The following MAF variants were observed in gnomAD, a reference collection of about 807,000 sequenced individuals.
MAF encodes MAF bZIP transcription factor, also known as transcription factor Maf.
Under a neutral mutation model 22.0 loss-of-function variants are expected in MAF, and 10 were observed. That is an observed-to-expected ratio of 0.45 (90% CI 0.28 to 0.77). The LOEUF (loss-of-function observed/expected upper bound fraction) is 0.77. Ranked by LOEUF, MAF falls within the 30% of genes least tolerant of loss-of-function variation. MAF has a pLI of 0.12. For missense variants in MAF, 544 were observed against 548.4 expected (o/e 0.99, Z 0.08); for synonymous variants, 337 against 255.8 (o/e 1.32, Z -3.03).
chr16:79,285,756 C>A, the MAF span, among the ~76,000 whole-genome samples: 1 of 152,200 alleles, frequency 6.6e-6, no homozygotes, highest in African/African-American at 2.4e-5. Context: ...AGGGCACTGA[C>A]GTCCTGCAGG....
At chr16:79,257,162 G>A in the MAF span, among the ~76,000 whole-genome samples, 1 of 152,068 alleles carries the variant, frequency 6.6e-6, no homozygotes, top group Non-Finnish European at 1.5e-5. Context: ...GGGTGACACA[G>A]CGAAATTCCA....
At chr16:79,550,743 T>C in the MAF span, among the ~76,000 whole-genome samples, 1 of 151,712 alleles carries the variant, frequency 6.6e-6, no homozygotes, top group Non-Finnish European at 1.5e-5. Context: ...CACCATCTAA[T>C]CTGTGGCTAG....
the MAF span, among the ~76,000 whole-genome samples, chr16:79,462,344 C>G: frequency 1.3e-5 from 2 of 152,202 alleles, no homozygotes; most frequent in Admixed American, 1.3e-4. Context: ...CTTAAGTCCA[C>G]CAATTGGTAG....
At chr16:79,220,050 G>C in the MAF span, among the ~76,000 whole-genome samples, 1 of 152,068 alleles carries the variant, frequency 6.6e-6, no homozygotes, top group African/African-American at 2.4e-5. Context: ...GAGGTCAGGA[G>C]TTCAAGACCA....
chr16:79,218,559 CTGTT>C, the MAF span, among the ~76,000 whole-genome samples: 1 of 152,308 alleles, frequency 6.6e-6, no homozygotes, highest in Admixed American at 6.5e-5. Context: ...CAGCATATTA[CTGTT>C]TGTTTACAAC....
At chr16:79,403,792 G>T in the MAF span, among the ~76,000 whole-genome samples, 1 of 152,168 alleles carries the variant, frequency 6.6e-6, no homozygotes, top group Non-Finnish European at 1.5e-5. Flanking sequence ...TAAGAGGGTG[G>T]CTCAACAACC....
chr16:79,475,276 A>T, the MAF span, among the ~76,000 whole-genome samples: 5 of 151,384 alleles, frequency 3.3e-5, no homozygotes, highest in South Asian at 2.1e-4. Context: ...AATAAGAAAA[A>T]ATATATATAT....
At chr16:79,413,585 C>T in the MAF span, among the ~76,000 whole-genome samples, 1 of 152,074 alleles carries the variant, frequency 6.6e-6, no homozygotes, top group East Asian at 1.9e-4. Context: ...ATATCTTTCT[C>T]TCTTTAACCA....
chr16:79,550,331 G>T, the MAF span, among the ~76,000 whole-genome samples: 5 of 131,126 alleles, frequency 3.8e-5, no homozygotes, highest in Non-Finnish European at 8.9e-5. Context: ...AAAGCTTAGG[G>T]GGAAAGGAGA....
chr16:79,561,590 G>C, the MAF span, among the ~76,000 whole-genome samples: 1 of 151,848 alleles, frequency 6.6e-6, no homozygotes, highest in Non-Finnish European at 1.5e-5. Context: ...CCTTGCGATA[G>C]TTTGCTGAGA....
the MAF span, among the ~76,000 whole-genome samples, chr16:79,317,509 G>GCCTC: frequency 0.017 from 1,692 of 101,926 alleles, 36 homozygotes; most frequent in African/African-American, 0.06. Context: ...TTTCTTTTCT[G>GCCTC]CCTCCCTCCC....
the MAF span, among the ~76,000 whole-genome samples, chr16:79,368,245 G>C: frequency 2.0e-5 from 3 of 152,102 alleles, no homozygotes; most frequent in African/African-American, 7.2e-5. Context: ...TTACATAAAA[G>C]CTCCTGAATG....
chr16:79,272,860 A>C, the MAF span, among the ~76,000 whole-genome samples: 1 of 151,534 alleles, frequency 6.6e-6, no homozygotes, highest in East Asian at 1.9e-4. Flanking sequence ...CTGTTTGCCA[A>C]CTCCTAACAA....
At chr16:79,459,959 A>G in the MAF span, among the ~76,000 whole-genome samples, 1 of 152,244 alleles carries the variant, frequency 6.6e-6, no homozygotes. Flanking sequence ...AAGGAAGCGT[A>G]TTTGCTGGGT....
the MAF span, among the ~76,000 whole-genome samples, chr16:79,210,345 A>T: frequency 6.6e-6 from 1 of 152,134 alleles, no homozygotes; most frequent in African/African-American, 2.4e-5. Flanking sequence ...TCTCCCAGGG[A>T]TCCTAGAATG....
chr16:79,577,071 A>C, the MAF span, among the ~76,000 whole-genome samples: 1 of 152,146 alleles, frequency 6.6e-6, no homozygotes, highest in African/African-American at 2.4e-5. Context: ...AATGGTCATA[A>C]AAGGACACTC....
the MAF span, among the ~76,000 whole-genome samples, chr16:79,435,462 C>T: frequency 3.9e-3 from 588 of 152,316 alleles, 4 homozygotes; most frequent in African/African-American, 0.013. Flanking sequence ...TTCTTTAAAG[C>T]TACTATTCAT....
the MAF span, among the ~76,000 whole-genome samples, chr16:79,326,088 C>G: frequency 7.2e-4 from 109 of 152,344 alleles, no homozygotes; most frequent in Admixed American, 1.8e-3. Flanking sequence ...ATTTCAACCT[C>G]AATTTTTAAT....
chr16:79,205,055 G>C, the MAF span: 1 of 152,148 alleles, frequency 6.6e-6, no homozygotes, highest in South Asian at 2.1e-4. Flanking sequence ...ATCATATTTG[G>C]GATGGCTGCA....
Sources: allele counts gnomAD v4.1 joint callset (sites outside exome capture counted in the v4.1 genomes callset), GRCh38; gene constraint gnomAD v4.1.1; transcripts MANE v1.5; gene names NCBI Gene and HGNC (gene_info 2026-07-23, HGNC 2026-07-21).